CNTNAP2: variants seen among roughly 807,000 people sequenced by gnomAD.
The protein encoded by CNTNAP2 is contactin-associated protein-like 2.
In CNTNAP2, 98 loss-of-function variants were observed where a neutral mutation model predicts 155.2. The ratio of observed to expected loss-of-function variants is 0.63; its 90% CI spans 0.54 to 0.75. The LOEUF (loss-of-function observed/expected upper bound fraction) is 0.75. CNTNAP2 is among the 30% of genes least tolerant of loss of function. CNTNAP2 has a pLI of 0.00. For synonymous variants in CNTNAP2, 651 were observed against 631.2 expected, an observed-to-expected ratio of 1.03 and a Z score of -0.47; for missense variants, 1,727 against 1,688.1, an observed-to-expected ratio of 1.02 and a Z score of -0.40.
rs1795108492 is a variant in CNTNAP2, at chr7:147,310,727, G to T, written c.1498+10437G>T. Among the ~76,000 whole-genome samples, 4 of 145,892 alleles carry T rather than the reference G, an allele frequency of 2.7e-5. No individual in the cohort carries two copies. The Admixed American group carries it at 2.8e-4, about 10-fold the overall frequency. On this transcript the variant is annotated intron_variant, in intron 9 of 23. Transcript: ENST00000361727. ...ATCCTTCATGTTTCATGAATAATCAGTGTTAAAAAAAATTCAAAGAGACAT... is the reference window on the plus strand; with the variant it reads ...ATCCTTCATGTTTCATGAATAATCATTGTTAAAAAAAATTCAAAGAGACAT...
At chr7:146,151,652 A>G (rs183855727) in intron 1 of CNTNAP2, among the ~76,000 whole-genome samples, 2,105 of 27,354 alleles carry the variant, frequency 0.077, 136 homozygotes, top group African/African-American at 0.2. Context: ...ATATATATAT[A>G]TATATATATA....
intron 1 of CNTNAP2, among the ~76,000 whole-genome samples, chr7:146,744,623 T>G (rs1381219505): frequency 6.6e-6 from 1 of 152,310 alleles, no homozygotes; most frequent in African/African-American, 2.4e-5. Context: ...TGCCAGTAAC[T>G]TTCTCCCTCT....
chr7:147,015,937 A>T (rs1798715896), intron 3 of CNTNAP2, among the ~76,000 whole-genome samples: 1 of 152,104 alleles, frequency 6.6e-6, no homozygotes, highest in Non-Finnish European at 1.5e-5. Flanking sequence ...AGGCAAAATA[A>T]CTGTCACTTC....
intron 13 of CNTNAP2, among the ~76,000 whole-genome samples, chr7:147,735,976 A>G (rs1486121474): frequency 6.8e-6 from 1 of 146,692 alleles, no homozygotes; most frequent in Non-Finnish European, 1.5e-5. Context: ...CTCTTTATCC[A>G]ATTTGCCAGT....
chr7:147,391,412 A>G (rs932338222), intron 9 of CNTNAP2, among the ~76,000 whole-genome samples: 7 of 152,094 alleles, frequency 4.6e-5, no homozygotes, highest in Admixed American at 2.0e-4. Flanking sequence ...TAGACTCCTG[A>G]CCATAAAGTT....
chr7:147,486,888 C>CGTGTGTGTGTGTGTGT (rs1798519006), intron 11 of CNTNAP2, among the ~76,000 whole-genome samples: 2 of 36,526 alleles, frequency 5.5e-5, no homozygotes, highest in Middle Eastern at 8.8e-3. Context: ...TACGTATGTG[C>CGTGTGTGTGTGTGTGT]CTGTGTGTGT....
chr7:148,063,843 T>C (rs1803205113), intron 15 of CNTNAP2, among the ~76,000 whole-genome samples: 1 of 152,156 alleles, frequency 6.6e-6, no homozygotes, highest in Non-Finnish European at 1.5e-5. Flanking sequence ...TGTTATCCTC[T>C]AGAATTTTTA....
At chr7:146,516,123 A>T (rs748067715) in intron 1 of CNTNAP2, among the ~76,000 whole-genome samples, 42 of 151,984 alleles carry the variant, frequency 2.8e-4, no homozygotes, top group Non-Finnish European at 5.3e-4. Context: ...AAAAGTAATG[A>T]GACAGAGTAG....
chr7:146,198,500 G>A (rs1001813602), intron 1 of CNTNAP2, among the ~76,000 whole-genome samples: 1 of 152,138 alleles, frequency 6.6e-6, no homozygotes, highest in African/African-American at 2.4e-5. Flanking sequence ...GTTTAATTGG[G>A]TGTTGCTAGT....
chr7:147,490,322 C>T (rs900738117), intron 11 of CNTNAP2, among the ~76,000 whole-genome samples: 3 of 152,074 alleles, frequency 2.0e-5, no homozygotes, highest in African/African-American at 4.8e-5. Flanking sequence ...TTTTTTCTAG[C>T]CAATGTTAGA....
chr7:147,619,363 G>A (rs1047723281), intron 12 of CNTNAP2, among the ~76,000 whole-genome samples: 1 of 152,190 alleles, frequency 6.6e-6, no homozygotes, highest in Non-Finnish European at 1.5e-5. Flanking sequence ...AATCTGTAGA[G>A]TGTAAATACA....
chr7:147,855,810 A>C (rs1799025747), intron 13 of CNTNAP2, among the ~76,000 whole-genome samples: 1 of 152,136 alleles, frequency 6.6e-6, no homozygotes, highest in Non-Finnish European at 1.5e-5. Context: ...CCCTGCAAAA[A>C]ACTTATACTC....
chr7:146,330,273 C>T (rs1006098058), intron 1 of CNTNAP2, among the ~76,000 whole-genome samples: 4 of 152,084 alleles, frequency 2.6e-5, no homozygotes, highest in Non-Finnish European at 5.9e-5. Flanking sequence ...CCACCCACCT[C>T]GGCCTCCCAA....
At chr7:146,459,317 T>A (rs1430447680) in intron 1 of CNTNAP2, among the ~76,000 whole-genome samples, 1 of 152,168 alleles carries the variant, frequency 6.6e-6, no homozygotes, top group South Asian at 2.1e-4. Flanking sequence ...GAATACGAAT[T>A]TCCACATGCT....
chr7:146,982,607 G>A (rs996185170), intron 3 of CNTNAP2, among the ~76,000 whole-genome samples: 1 of 152,168 alleles, frequency 6.6e-6, no homozygotes, highest in Non-Finnish European at 1.5e-5. Context: ...TTGTGTGTCA[G>A]ACCTCTCTGT....
At chr7:146,155,888 A>G (rs7786923) in intron 1 of CNTNAP2, among the ~76,000 whole-genome samples, 48,918 of 151,204 alleles carry the variant, frequency 0.32, 9,623 homozygotes, top group African/African-American at 0.56. Flanking sequence ...ATTTTTAGTT[A>G]AGATGGGGTT....
At chr7:146,781,147 G>A (rs1431831365) in intron 2 of CNTNAP2, among the ~76,000 whole-genome samples, 10 of 150,210 alleles carry the variant, frequency 6.7e-5, no homozygotes, top group African/African-American at 2.5e-4. Flanking sequence ...AGAATGGCCT[G>A]AACCCGGGAG....
intron 12 of CNTNAP2, among the ~76,000 whole-genome samples, chr7:147,588,001 C>A (rs1228924148): frequency 2.6e-5 from 4 of 152,024 alleles, no homozygotes; most frequent in Admixed American, 1.3e-4. Flanking sequence ...GAAAATGAGA[C>A]AATTGATCTA....
chr7:148,102,278 T>C (rs1246107794), intron 15 of CNTNAP2, among the ~76,000 whole-genome samples: 4 of 152,230 alleles, frequency 2.6e-5, no homozygotes, highest in African/African-American at 9.6e-5. Context: ...TTCAGCCCCA[T>C]GCATGTTCCC....
Sources: gnomAD v4.1 joint callset for allele counts (sites outside exome capture counted in the v4.1 genomes callset) on GRCh38, gnomAD v4.1.1 for gene constraint, MANE v1.5 for transcripts, NCBI Gene and HGNC (gene_info 2026-07-23, HGNC 2026-07-21) for gene names.